Variants in PLEKHH3 observed in about 807,000 individuals in gnomAD.
The protein encoded by PLEKHH3 is pleckstrin homology domain-containing family H member 3.
In PLEKHH3, 57 loss-of-function variants were observed where a neutral mutation model predicts 77.8. The ratio of observed to expected loss-of-function variants is 0.73; its 90% confidence interval spans 0.59 to 0.91. The LOEUF is 0.91. PLEKHH3 is among the 40% of genes least tolerant of loss of function. PLEKHH3 has a pLI of 0.00. For missense variants in PLEKHH3, 1,082 were observed against 1,091.2 expected (o/e 0.99, Z 0.12); for synonymous variants, 467 against 504.8 (o/e 0.93, Z 1.00).
At position 42,670,974 on chromosome 17, in the gene PLEKHH3, G is replaced by A; in HGVS notation, c.1421+20C>T. 1 of 1,606,458 alleles carries A rather than the reference G, an allele frequency of 6.2e-7. No individual in the cohort carries two copies. The highest frequency in any genetic ancestry group is 8.5e-7 in the Non-Finnish European group (1 of 1,177,912). ...AAGTGGATGGGCTAATAGAGAGCAG[G>A]GCTGGGGCTGGACATTTACTTCTCA... On this transcript the variant is annotated intron_variant, in intron 9 of 12. Coordinates refer to ENST00000591022, the MANE Select transcript of PLEKHH3 (RefSeq NM_024927.5).
rs957582430 is a variant in PLEKHH3, at chr17:42,676,838, T to C, written c.-275A>G. 2.4e-5 allele frequency: 12 copies of C among 508,806 alleles called. No individual in the cohort carries two copies. The highest frequency in any genetic ancestry group is 3.9e-5 in the African/African-American group (2 of 51,450). The allele number at this position is 508,806 out of a possible 1,614,324, so 31.5% of individuals were successfully genotyped here. On this transcript the variant is annotated 5_prime_UTR_variant, in exon 1 of 13. Coordinates refer to ENST00000591022, the MANE Select transcript of PLEKHH3 (RefSeq NM_024927.5). The surrounding 1 kb of genome is among the most constrained non-coding windows in gnomAD (Gnocchi z 6.6). ...GGGAGCAATGTCCGGAGCTGGGAAGTAGTGTCCGTTGGAGTGTCCAGCCCT... is the reference window on the plus strand; with the variant it reads ...GGGAGCAATGTCCGGAGCTGGGAAGCAGTGTCCGTTGGAGTGTCCAGCCCT...
In PLEKHH3 at chr17:42,670,166, C is replaced by G. The variant is rs1368093979; in HGVS notation, c.1765G>C (p.Gly589Arg). The change falls in exon 11 of 13, where the codon GGG (glycine) becomes CGG (arginine). Residue 589 changes from glycine to arginine, a missense_variant. By Grantham distance (125) the Gly-to-Arg change is moderately radical. Coordinates refer to ENST00000591022, the MANE Select transcript of PLEKHH3 (RefSeq NM_024927.5). ...GCCAGGCCCGGGCTCCAGAGCGCCC[C>G]GGCCAGCAGGGCAGCGGAAGGGGGC... The part of the protein sequence containing the change: ...RPPPSAALLA[G>R]ALWSPGLAKR... 1.6e-6 allele frequency: 2 copies of G among 1,215,130 alleles called. No homozygotes were observed. Among genetic ancestry groups the G allele is most frequent in the Non-Finnish European group, 2.0e-6 (2 of 980,116 alleles). The allele number at this position is 1,215,130 out of a possible 1,614,324, so 75.3% of individuals were successfully genotyped here. A position where few individuals can be genotyped will look rare whatever the true frequency, so the allele number is the denominator to read the frequency against.
At position 42,671,402 on chromosome 17, in the gene PLEKHH3, C is replaced by G. The variant is rs1414941818; in HGVS notation, c.1233G>C (p.Pro411=). The change falls in exon 8 of 13, where the codon CCG becomes CCC. Residue 411 remains proline (P), a synonymous_variant. Coordinates refer to ENST00000591022, the MANE Select transcript of PLEKHH3 (RefSeq NM_024927.5). The surrounding 1 kb of genome is among the most constrained non-coding windows in gnomAD (Gnocchi z 4.7). ...RQELLCTVHC[P]GAGACAVAID... Reference sequence around the variant, plus strand: ...TGGCCACAGCACAGGCACCAGCCCCCGGACAGTGCACGGTACACAGCAGCT... The same window carrying G: ...TGGCCACAGCACAGGCACCAGCCCCGGGACAGTGCACGGTACACAGCAGCT... The G allele has an allele frequency of 1.2e-6, 2 of 1,613,136 alleles. No homozygotes were observed. Among genetic ancestry groups the G allele is most frequent in the African/African-American group, 2.7e-5 (2 of 75,060 alleles).
chr17:42,672,514 G>A, intron 6 of PLEKHH3, 122 bp from the exon 7 acceptor site: 1 of 836,942 alleles, frequency 1.2e-6, no homozygotes, highest in Non-Finnish European at 1.8e-6. Flanking sequence ...GCAGGGAGGG[G>A]AGGGTACGAA....
chr17:42,671,979 G>T lies in PLEKHH3; in HGVS notation c.1076+107C>A. 1 of 909,302 alleles carries T rather than the reference G, an allele frequency of 1.1e-6. No individual in the cohort carries two copies. Among genetic ancestry groups the T allele is most frequent in the Non-Finnish European group, 1.6e-6 (1 of 612,050 alleles). 56.3% of individuals were successfully genotyped at this position (909,302 alleles called of 1,614,324 possible). On this transcript the variant is annotated intron_variant, in intron 7 of 12. Transcript: ENST00000591022. The surrounding 1 kb of genome is among the most constrained non-coding windows in gnomAD (Gnocchi z 4.7). ...TGTATCTCCCACAAAGGCACTGTAT[G>T]TATTACTCGGTTCTTTACCTACCAA...
chr17:42,672,491 AG>A (rs2052726152), intron 6 of PLEKHH3, 99 bp from the exon 7 acceptor site: 1 of 889,884 alleles, frequency 1.1e-6, no homozygotes, highest in Non-Finnish European at 1.6e-6. Context: ...AGGGAATATA[AG>A]GGGATGGGGT....
At chr17:42,673,061 G>C in intron 6 of PLEKHH3, 115 bp downstream of exon 6, 2 of 1,338,490 alleles carry the variant, frequency 1.5e-6, no homozygotes, top group Middle Eastern at 4.0e-4. Context: ...TTCGAAAAGT[G>C]AGGAGCTGGC....
In PLEKHH3 at chr17:42,672,071, C is replaced by G. The variant is rs2052714494; in HGVS notation, c.1076+15G>C. On this transcript the variant is annotated intron_variant, in intron 7 of 12. Transcript: ENST00000591022. ...CTCCTCGCCTAGGCCGTAACCCCCA[C>G]CTCGCCCCTCTCACCTCTCCAAGTG... The G allele has an allele frequency of 6.9e-7, 1 of 1,458,420 alleles. No individual in the cohort carries two copies. Among genetic ancestry groups the G allele is most frequent in the Admixed American group, 2.7e-5 (1 of 37,400 alleles). 90.3% of individuals were successfully genotyped at this position (1,458,420 alleles called of 1,614,324 possible). A position where few individuals can be genotyped will look rare whatever the true frequency, so the allele number is the denominator to read the frequency against.
chr17:42,675,096 C>CTCCCCCTCCCCCTCCTCCTCCCT (rs2052794032), intron 1 of PLEKHH3, among the ~76,000 whole-genome samples: 1 of 152,108 alleles, frequency 6.6e-6, no homozygotes, highest in Non-Finnish European at 1.5e-5. Flanking sequence ...GGGTTTTGCC[C>CTCCCCCTCCCCCTCCTCCTCCCT]TCCCCCTCCC....
At chr17:42,672,481 A>T in intron 6 of PLEKHH3, 89 bp from the exon 7 acceptor site, 4 of 1,044,694 alleles carry the variant, frequency 3.8e-6, no homozygotes, top group East Asian at 2.9e-5. Flanking sequence ...GGAAGGTCAG[A>T]GGGAATATAA....
chr17:42,674,336 C>A lies in PLEKHH3; in HGVS notation c.218+18G>T. The A allele has an allele frequency of 6.4e-7, 1 of 1,559,024 alleles. No homozygotes were observed. The highest frequency in any genetic ancestry group is 8.7e-7 in the Non-Finnish European group (1 of 1,154,584). ...ATGCTGGGGTCGCCAGACTATGGGA[C>A]GTAGGGGCGTAGCTCACCTGTTGGA... On this transcript the variant is annotated intron_variant, in intron 2 of 12. Coordinates refer to ENST00000591022, the MANE Select transcript of PLEKHH3 (RefSeq NM_024927.5).
chr17:42,674,837 C>T (rs2052788235), intron 1 of PLEKHH3: 1 of 174,908 alleles, frequency 5.7e-6, no homozygotes, highest in Admixed American at 6.3e-5. Context: ...CTCCAAGGCA[C>T]CCTCTCCTCC....
chr17:42,674,213 C>T (rs545666340), intron 2 of PLEKHH3, 141 bp downstream of exon 2: 5 of 1,155,528 alleles, frequency 4.3e-6, no homozygotes, highest in Non-Finnish European at 4.8e-6. Flanking sequence ...AGCCGGACCG[C>T]CCCCCGGGAC....
Position 42,672,640 on chromosome 17 carries a change from A to C in PLEKHH3, c.770-248T>G, listed in dbSNP as rs540848673. On this transcript the variant is annotated intron_variant, in intron 6 of 12. Transcript: ENST00000591022. Reference sequence around the variant, plus strand: ...CCTGCATTTGGACTTAGGGAGACGGACGGCCGGGAAGGGCTGTAGATTCAC... The same window carrying C: ...CCTGCATTTGGACTTAGGGAGACGGCCGGCCGGGAAGGGCTGTAGATTCAC... 2.5e-3 allele frequency among the ~76,000 whole-genome samples: 383 copies of C among 152,166 alleles called. 1 individual carries two copies. The highest frequency in any genetic ancestry group is 4.6e-3 in the Admixed American group (71 of 15,304).
chr17:42,673,605 C>T, intron 4 of PLEKHH3, 38 bp downstream of exon 4: 1 of 1,593,640 alleles, frequency 6.3e-7, no homozygotes, highest in South Asian at 1.1e-5. Flanking sequence ...GCCGGGGCCC[C>T]TGCCTAGGAA....
At position 42,673,431 on chromosome 17, in the gene PLEKHH3, T is replaced by G. The variant is rs1420424363; in HGVS notation, c.616A>C (p.Thr206Pro). 1 of 1,613,178 alleles carries G rather than the reference T, an allele frequency of 6.2e-7. No individual in the cohort carries two copies. The highest frequency in any genetic ancestry group is 8.5e-7 in the Non-Finnish European group (1 of 1,179,862). ...TCCCTGAGCAGTAGCTGGGTGGGGG[T>G]CTCCAGGGGTGCCTTGGAGGCGATC... ...EVIASKAPLE[T>P]PTQLLLRDIQ... Residue 206 changes from threonine to proline, a missense_variant, in exon 5 of 13, where the codon ACC becomes CCC. Coordinates refer to ENST00000591022, the MANE Select transcript of PLEKHH3 (RefSeq NM_024927.5).
Position 42,676,556 on chromosome 17 carries a change from A to T in PLEKHH3, c.8T>A (p.Leu3His), listed in dbSNP as rs1286023721. The stretch of plus-strand genomic sequence containing the variant: ...GAGAAGCCACCATAGTCCCCCGGGG[A>T]GAGGCATCCGGGCGAGGAGCTGCGG... MP[L>H]PGGLWWLLCC... Residue 3 changes from leucine (L) to histidine (H), a missense_variant, in exon 1 of 13, where the codon CTC becomes CAC. By Grantham distance (99) the Leu-to-His change is moderately conservative. Around this residue, in one of 3 missense-constraint regions of PLEKHH3, gnomAD observed 344 missense variants for 320.8 expected, o/e 1.07. Coordinates refer to ENST00000591022, the MANE Select transcript of PLEKHH3 (RefSeq NM_024927.5). The surrounding 1 kb of genome is among the most constrained non-coding windows in gnomAD (Gnocchi z 6.6). 5 of 1,558,648 alleles carry T rather than the reference A, an allele frequency of 3.2e-6. No homozygotes were observed. The highest frequency in any genetic ancestry group is 1.7e-6 in the Non-Finnish European group (2 of 1,152,030).
chr17:42,670,957 G>A, intron 9 of PLEKHH3, 37 bp downstream of exon 9: 1 of 1,591,878 alleles, frequency 6.3e-7, no homozygotes, highest in East Asian at 2.2e-5. Context: ...AGAAGTGGAT[G>A]GGCTAATAGA....
Position 42,674,027 on chromosome 17 carries a change from G to A in PLEKHH3, c.219-14C>T, listed in dbSNP as rs758118297. On this transcript the variant is annotated splice_polypyrimidine_tract_variant and intron_variant, in intron 2 of 12. Coordinates refer to ENST00000591022, the MANE Select transcript of PLEKHH3 (RefSeq NM_024927.5). ...CAGCTCTGCAGCCTGGGCCAGAGGG[G>A]AGGGAAGGTTGGGTCTCCACTCTGC... The A allele has an allele frequency of 6.8e-6, 11 of 1,612,096 alleles. No individual in the cohort carries two copies.
Sources: gnomAD v4.1 joint callset for allele counts (sites outside exome capture counted in the v4.1 genomes callset) on GRCh38, gnomAD v4.1.1 for gene constraint, gnomAD v4.1.1 regional missense constraint, Gnocchi (gnomAD v3.1) non-coding constraint, MANE v1.5 for transcripts, NCBI Gene and HGNC (gene_info 2026-07-23, HGNC 2026-07-21) for gene names.